The following IGSF9B variants were observed in gnomAD, a reference collection of about 807,000 sequenced individuals.
IGSF9B encodes protein turtle homolog B.
Under a neutral mutation model 143.7 loss-of-function variants are expected in IGSF9B, and 48 were observed. The observed-to-expected ratio is 0.33, with a 90% CI of 0.26 to 0.42. The LOEUF is 0.42. Among genes scored for constraint, IGSF9B ranks in the 20% least tolerant of loss-of-function variants. The pLI, the probability that IGSF9B is intolerant of heterozygous loss-of-function variation, is 1.00. For missense variants in IGSF9B, 1,706 were observed against 1,980.0 expected (o/e 0.86, Z 2.63); for synonymous variants, 903 against 833.1 (o/e 1.08, Z -1.44).
rs367993254 is a variant in IGSF9B at position 133,919,775 on chromosome 11, G to A, written c.3950C>T (p.Pro1317Leu). Residue 1317 changes from proline (P) to leucine (L), a missense_variant, in exon 18 of 20, where the codon CCG (proline) becomes CTG (leucine). Physicochemically the swap from Pro to Leu is moderately conservative, Grantham distance 98. Transcript: ENST00000533871. The part of the protein sequence containing the change: ...PRRTGEELLR[P>L]ETPPPTLPTS... ...AGGTAACGTGGGTGGTGGGGTCTCC[G>A]GTCGGAGCAATTCCTCCCCCGTCCT... 32 of 1,485,578 alleles carry A rather than the reference G, an allele frequency of 2.2e-5. No homozygotes were observed. Among genetic ancestry groups the A allele is most frequent in the African/African-American group, 5.6e-5 (4 of 70,888 alleles). The allele number at this position is 1,485,578 out of a possible 1,614,324, so 92.0% of individuals were successfully genotyped here.
chr11:133,955,909 C>T (rs1940243395), intron 1 of IGSF9B, among the ~76,000 whole-genome samples: 2 of 151,072 alleles, frequency 1.3e-5, no homozygotes, highest in Admixed American at 6.6e-5. Context: ...TCCCCTCCCC[C>T]GCCGCCGCCC....
rs1038135916 is a variant in IGSF9B at position 133,913,325 on chromosome 11, TA to T, written c.3984-1319del. On this transcript the variant is annotated intron_variant, in intron 18 of 19. Transcript: ENST00000533871. The surrounding 1 kb of genome is among the most constrained non-coding windows in gnomAD (Gnocchi z 4.6). ...CAAAGGTCAGCAAGCGGTCTGAGGT[TA>T]AAAAAAAAAATGTTAAGAGGGATAG... Among the ~76,000 whole-genome samples, 344 of 147,216 alleles carry T rather than the reference TA, an allele frequency of 2.3e-3. No homozygotes were observed. Among genetic ancestry groups the T allele is most frequent in the African/African-American group, 6.0e-3 (244 of 40,352 alleles).
rs983197414 is a variant in IGSF9B, at chr11:133,911,905, C to T, written c.4086G>A (p.Ser1362=). 1.6e-5 allele frequency: 24 copies of T among 1,531,196 alleles called. No individual in the cohort carries two copies. The highest frequency in any genetic ancestry group is 5.5e-5 in the African/African-American group (4 of 72,658). 94.9% of individuals were successfully genotyped at this position (1,531,196 alleles called of 1,614,324 possible). ...KKPKKSSKGS[S]KSKKRSDDSA... The stretch of plus-strand genomic sequence containing the variant: ...ATTTACCGGATCGTTTCTTTGACTT[C>T]GAAGAGCCCTTGGATGACTTTTTGG... Residue 1362 remains serine (S), a synonymous_variant, in exon 19 of 20, where the codon TCG becomes TCA. Coordinates refer to ENST00000533871, the MANE Select transcript of IGSF9B (RefSeq NM_001277285.4).
In IGSF9B at chr11:133,903,416, C is replaced by T. The variant is rs539861479; in HGVS notation, c.*5653G>A. On this transcript the variant is annotated 3_prime_UTR_variant, in exon 20 of 20. Coordinates refer to ENST00000533871, the MANE Select transcript of IGSF9B (RefSeq NM_001277285.4). ...CGGTAGCTTTTCACCAGCTCTCGTC[C>T]GAAACCCTAACTACTACTACTGTCT... Among the ~76,000 whole-genome samples, 2 of 152,246 alleles carry T rather than the reference C, an allele frequency of 1.3e-5. No individual in the cohort carries two copies. The highest frequency in any genetic ancestry group is 4.1e-4 in the South Asian group (2 of 4,820).
At chr11:133,911,663 C>T (rs1939303367) in intron 19 of IGSF9B, among the ~76,000 whole-genome samples, 1 of 152,158 alleles carries the variant, frequency 6.6e-6, no homozygotes, top group African/African-American at 2.4e-5. Flanking sequence ...TTTCCCTTAT[C>T]TTTCTCGTTT....
At chr11:133,930,869 G>A in intron 11 of IGSF9B, 115 bp downstream of exon 11, 1 of 1,105,156 alleles carries the variant, frequency 9.0e-7, no homozygotes, top group Non-Finnish European at 1.3e-6. Context: ...ACTGACTTAG[G>A]AAGGGAGCCC....
chr11:133,950,569 G>A (rs1015866487), intron 1 of IGSF9B, among the ~76,000 whole-genome samples: 6 of 152,240 alleles, frequency 3.9e-5, no homozygotes, highest in African/African-American at 1.2e-4. Context: ...CCCAGGCGCC[G>A]GGATCAAGGC....
chr11:133,927,000 C>T lies in IGSF9B; in HGVS notation c.1723G>A (p.Glu575Lys). ...AGGACGCTGAACTGGTACGCTGTCTCAGGCTCCAGGGTGTCCACCAGCAGC... is the reference window on the plus strand; with the variant it reads ...AGGACGCTGAACTGGTACGCTGTCTTAGGCTCCAGGGTGTCCACCAGCAGC... ...SWLLVDTLEP[E>K]TAYQFSVLAQ... Residue 575 changes from glutamate (E) to lysine (K), a missense_variant, in exon 13 of 20, where the codon GAG becomes AAG. Transcript: ENST00000533871. The T allele has an allele frequency of 1.3e-6, 2 of 1,582,184 alleles. No individual in the cohort carries two copies. The highest frequency in any genetic ancestry group is 1.2e-5 in the South Asian group (1 of 86,012).
In IGSF9B at chr11:133,936,894, G is replaced by A. The variant is rs369941665; in HGVS notation, c.679+482C>T. 5.8e-3 allele frequency among the ~76,000 whole-genome samples: 879 copies of A among 152,346 alleles called. 7 individuals carry two copies. The highest frequency in any genetic ancestry group is 0.02 in the African/African-American group (814 of 41,578). ...TTCCTGGCCCCTCTCTGGGGACTCT[G>A]GGGCTCCAGGCAGGGCAGTCTGGCA... is the stretch of plus-strand genomic sequence containing the variant. On this transcript the variant is annotated intron_variant, in intron 5 of 19. Coordinates refer to ENST00000533871, the MANE Select transcript of IGSF9B (RefSeq NM_001277285.4).
rs200373794 is a variant in IGSF9B at position 133,919,895 on chromosome 11, G to A, written c.3830C>T (p.Thr1277Ile). 3 of 1,581,930 alleles carry A rather than the reference G, an allele frequency of 1.9e-6. No individual in the cohort carries two copies. Among genetic ancestry groups the A allele is most frequent in the Non-Finnish European group, 2.6e-6 (3 of 1,163,534 alleles). The stretch of plus-strand genomic sequence containing the variant: ...AGGGGAAGGGTAGCCGGTGGCCAGA[G>A]TGGTGAAGCCCATGGCGGGCCGGTA... ...PSYRPAMGFT[T>I]LATGYPSPPP... The change falls in exon 18 of 20, where the codon ACT becomes ATT. Residue 1277 changes from threonine to isoleucine, a missense_variant. By Grantham distance (89) the Thr-to-Ile change is moderately conservative (BLOSUM62 -1). Around this residue, in one of 7 missense-constraint regions of IGSF9B, gnomAD observed 880 missense variants for 762.9 expected, o/e 1.15. Coordinates refer to ENST00000533871, the MANE Select transcript of IGSF9B (RefSeq NM_001277285.4).
In IGSF9B at chr11:133,925,404, C is replaced by G. The variant is rs142754146; in HGVS notation, c.2034+335G>C. Reference sequence around the variant, plus strand: ...AGAATTCTTCTTGGAACTTCTCTGCCCACCCCAGGTTAGGCTCAGCAAGGG... The same window carrying G: ...AGAATTCTTCTTGGAACTTCTCTGCGCACCCCAGGTTAGGCTCAGCAAGGG... On this transcript the variant is annotated intron_variant, in intron 14 of 19. Transcript: ENST00000533871. Among the ~76,000 whole-genome samples, 1,196 of 152,308 alleles carry G rather than the reference C, an allele frequency of 7.9e-3. 19 individuals are homozygous for G. The highest frequency in any genetic ancestry group is 0.028 in the African/African-American group (1,168 of 41,572).
chr11:133,922,850 G>C, intron 15 of IGSF9B, 120 bp from the exon 16 acceptor site: 3 of 902,858 alleles, frequency 3.3e-6, no homozygotes, highest in East Asian at 2.7e-5. Context: ...CAAGGCTCGG[G>C]CTCCAAGCTG....
rs781762434 is a variant in IGSF9B, at chr11:133,904,101, G to A, written c.*4968C>T. Among the ~76,000 whole-genome samples the A allele has an allele frequency of 2.0e-5, 3 of 152,240 alleles. No homozygotes were observed. Among genetic ancestry groups the A allele is most frequent in the South Asian group, 2.1e-4 (1 of 4,816 alleles). On this transcript the variant is annotated 3_prime_UTR_variant, in exon 20 of 20. Coordinates refer to ENST00000533871, the MANE Select transcript of IGSF9B (RefSeq NM_001277285.4). ...AGAGAAAGTAAAGAGAAGGCCTCAC[G>A]AAGCCACTGTGCAACTTCATGGCCG...
chr11:133,923,669 TTGTC>T (rs1270804531), intron 15 of IGSF9B, among the ~76,000 whole-genome samples: 2 of 152,254 alleles, frequency 1.3e-5, no homozygotes, highest in African/African-American at 2.4e-5. Context: ...ATGATGCTGA[TTGTC>T]TGAGGGGAAA....
At chr11:133,924,925 C>T in intron 14 of IGSF9B, 21 bp from the exon 15 acceptor site, 1 of 1,607,606 alleles carries the variant, frequency 6.2e-7, no homozygotes, top group Non-Finnish European at 8.5e-7. Flanking sequence ...AGGGACAATA[C>T]CCAGTCAGCC....
At position 133,920,505 on chromosome 11, in the gene IGSF9B, C is replaced by T; in HGVS notation, c.3220G>A (p.Ala1074Thr). Reference protein sequence around the residue: ...CDVPESLQPKAGLPRGLPPTS... With the variant: ...CDVPESLQPKTGLPRGLPPTS... Reference sequence around the variant, plus strand: ...GGGGGCAGTCCTCGGGGGAGGCCGGCCTTGGGCTGCAGACTCTCGGGCACA... The same window carrying T: ...GGGGGCAGTCCTCGGGGGAGGCCGGTCTTGGGCTGCAGACTCTCGGGCACA... The change falls in exon 18 of 20, where the codon GCC becomes ACC. Residue 1074 changes from alanine to threonine, a missense_variant. Physicochemically the swap from Ala to Thr is moderately conservative, Grantham distance 58 (BLOSUM62 0). Coordinates refer to ENST00000533871, the MANE Select transcript of IGSF9B (RefSeq NM_001277285.4). 1 of 1,594,224 alleles carries T rather than the reference C, an allele frequency of 6.3e-7. No homozygotes were observed. The highest frequency in any genetic ancestry group is 1.7e-5 in the Admixed American group (1 of 58,816).
In IGSF9B at chr11:133,928,173, C is replaced by G. The variant is rs1461063396; in HGVS notation, c.1632-1082G>C. ...CCCCCCATCGTATGCCCAGACCTCC[C>G]ACCCAGGCATCTCCAAAGACAGCTT... On this transcript the variant is annotated intron_variant, in intron 12 of 19. Coordinates refer to ENST00000533871, the MANE Select transcript of IGSF9B (RefSeq NM_001277285.4). The surrounding 1 kb of genome is among the most constrained non-coding windows in gnomAD (Gnocchi z 4.7). 6.6e-6 allele frequency among the ~76,000 whole-genome samples: 1 copy of G among 152,124 alleles called. No individual in the cohort carries two copies. Among genetic ancestry groups the G allele is most frequent in the African/African-American group, 2.4e-5 (1 of 41,434 alleles).
At chr11:133,921,814 G>A (rs1939545059) in intron 17 of IGSF9B, among the ~76,000 whole-genome samples, 2 of 152,050 alleles carry the variant, frequency 1.3e-5, no homozygotes, top group South Asian at 4.2e-4. Flanking sequence ...CTCTTTTCAA[G>A]ACAAGCAAGC....
In IGSF9B at chr11:133,922,282, G is replaced by A. The variant is rs118092898; in HGVS notation, c.2282-60C>T. The A allele has an allele frequency of 5.5e-4, 785 of 1,416,618 alleles. 4 individuals carry two copies. In the East Asian group the frequency reaches 0.017, roughly 30 times the overall value. 87.8% of individuals were successfully genotyped at this position (1,416,618 alleles called of 1,614,324 possible). On this transcript the variant is annotated intron_variant, in intron 16 of 19. Coordinates refer to ENST00000533871, the MANE Select transcript of IGSF9B (RefSeq NM_001277285.4). ...CCAAGCCAGCAACCACGCAGCACGC[G>A]CATCTGCAGAGGCTGACAGAGCCGG...
Sources: gnomAD v4.1 joint callset for allele counts (sites outside exome capture counted in the v4.1 genomes callset) on GRCh38, gnomAD v4.1.1 for gene constraint, gnomAD v4.1.1 regional missense constraint, Gnocchi (gnomAD v3.1) non-coding constraint, MANE v1.5 for transcripts, NCBI Gene and HGNC (gene_info 2026-07-23, HGNC 2026-07-21) for gene names.